MTA3: variants seen among roughly 807,000 people sequenced by gnomAD.
MTA3 encodes metastasis-associated protein MTA3.
A neutral mutation model predicts 83.5 loss-of-function variants in MTA3; 34 were observed. That is an observed-to-expected ratio of 0.41 (90% confidence interval 0.31 to 0.54). MTA3 has a LOEUF of 0.54. MTA3 is among the 20% of genes least tolerant of loss of function. MTA3 has a pLI of 0.33. For synonymous variants in MTA3, 303 were observed against 252.7 expected, an observed-to-expected ratio of 1.20 and a Z score of -1.89; for missense variants, 761 against 726.4, an observed-to-expected ratio of 1.05 and a Z score of -0.55.
At chr2:42,542,857 C>T (rs1000950310) in intron 2 of MTA3, among the ~76,000 whole-genome samples, 3 of 151,848 alleles carry the variant, frequency 2.0e-5, no homozygotes, top group African/African-American at 7.3e-5. Context: ...GCACCCAGCC[C>T]ATAATCTTCA....
intron 8 of MTA3, among the ~76,000 whole-genome samples, chr2:42,678,964 T>G (rs1190656738): frequency 6.6e-6 from 1 of 152,168 alleles, no homozygotes; most frequent in African/African-American, 2.4e-5. Flanking sequence ...ACATTCTCAT[T>G]TGACCCTCAC....
In MTA3 at chr2:42,755,430, C is replaced by G. The variant is rs934114791; in HGVS notation, c.*2031C>G. On this transcript the variant is annotated 3_prime_UTR_variant, in exon 17 of 17. Coordinates refer to ENST00000405094, the MANE Select transcript of MTA3 (RefSeq NM_001330442.2). Reference sequence around the variant, plus strand: ...GTCTGAAGCAGGAGAAGGGAGGCCCCTCCTATCTACCCAGTTGACATTTGG... The same window carrying G: ...GTCTGAAGCAGGAGAAGGGAGGCCCGTCCTATCTACCCAGTTGACATTTGG... 35 of 985,350 alleles carry G rather than the reference C, an allele frequency of 3.6e-5. No homozygotes were observed. Among genetic ancestry groups the G allele is most frequent in the Non-Finnish European group, 4.0e-5 (33 of 829,950 alleles). The allele number at this position is 985,350 out of a possible 1,614,324, so 61.0% of individuals were successfully genotyped here. A position where few individuals can be genotyped will look rare whatever the true frequency, so the allele number is the denominator to read the frequency against.
At chr2:42,579,039 G>C (rs1679336819) in intron 2 of MTA3, 68 bp from the exon 3 acceptor site, 1 of 1,061,554 alleles carries the variant, frequency 9.4e-7, no homozygotes, top group East Asian at 2.7e-5. Context: ...GCTGTATCTA[G>C]TTTCGTTGTA....
intron 3 of MTA3, among the ~76,000 whole-genome samples, chr2:42,594,972 C>G (rs1453300394): frequency 6.7e-6 from 1 of 148,442 alleles, no homozygotes; most frequent in Non-Finnish European, 1.5e-5. Flanking sequence ...CCAGGATGGT[C>G]TTGATCTCCT....
chr2:42,495,654 C>T (rs910282042), intron 2 of MTA3, among the ~76,000 whole-genome samples: 4 of 152,124 alleles, frequency 2.6e-5, no homozygotes, highest in African/African-American at 9.7e-5. Flanking sequence ...GTATAATGCA[C>T]TTGCCCACTG....
At chr2:42,574,832 T>A (rs1030728398) in intron 2 of MTA3, among the ~76,000 whole-genome samples, 1 of 152,216 alleles carries the variant, frequency 6.6e-6, no homozygotes, top group Non-Finnish European at 1.5e-5. Context: ...GCACTGGGAT[T>A]ACAGGCTGAC....
chr2:42,543,597 C>CA (rs1676620530), intron 2 of MTA3, among the ~76,000 whole-genome samples: 16 of 151,920 alleles, frequency 1.1e-4, no homozygotes, highest in Admixed American at 1.1e-3. Context: ...GCAATCCTCC[C>CA]ACCTCATCCT....
chr2:42,638,218 A>T (rs1002019322), intron 4 of MTA3, among the ~76,000 whole-genome samples: 1 of 152,164 alleles, frequency 6.6e-6, no homozygotes, highest in Non-Finnish European at 1.5e-5. Flanking sequence ...GAGGGGAAAA[A>T]GTAAGTGAAA....
intron 1 of MTA3, 56 bp from the exon 2 acceptor site, chr2:42,570,381 G>C: frequency 8.7e-7 from 1 of 1,145,490 alleles, no homozygotes; most frequent in Non-Finnish European, 1.2e-6. Flanking sequence ...GTCTTGGATT[G>C]ACAAATCTGA....
intron 8 of MTA3, among the ~76,000 whole-genome samples, chr2:42,675,645 A>C (rs1691277581): frequency 1.3e-5 from 2 of 152,128 alleles, no homozygotes; most frequent in South Asian, 2.1e-4. Context: ...TCTAACAATC[A>C]ATTAGTTGTT....
chr2:42,582,564 G>A (rs921987869), intron 3 of MTA3, among the ~76,000 whole-genome samples: 1 of 152,086 alleles, frequency 6.6e-6, no homozygotes. Context: ...AAGTTGGGAG[G>A]ATTGCTTGAG....
chr2:42,721,424 C>G (rs1667400991), intron 15 of MTA3, among the ~76,000 whole-genome samples: 1 of 151,472 alleles, frequency 6.6e-6, no homozygotes, highest in Non-Finnish European at 1.5e-5. Context: ...ACTTCCCAGG[C>G]TCAGGTGATC....
intron 14 of MTA3, 21 bp from the exon 15 acceptor site, chr2:42,718,967 C>T (rs1172063125): frequency 6.5e-7 from 1 of 1,528,352 alleles, no homozygotes; most frequent in East Asian, 2.5e-5. Context: ...TGGTTATCTC[C>T]ATGTTTCTTT....
intron 4 of MTA3, among the ~76,000 whole-genome samples, chr2:42,636,008 A>G (rs938535491): frequency 2.0e-5 from 3 of 152,058 alleles, no homozygotes; most frequent in Non-Finnish European, 4.4e-5. Flanking sequence ...AGCTCAGGCA[A>G]TCTGCCCGCC....
At chr2:42,745,153 A>G (rs1311559477) in intron 16 of MTA3, among the ~76,000 whole-genome samples, 1 of 152,270 alleles carries the variant, frequency 6.6e-6, no homozygotes, top group Non-Finnish European at 1.5e-5. Context: ...ATTTACATAT[A>G]AATGAACATG....
intron 2 of MTA3, among the ~76,000 whole-genome samples, chr2:42,575,865 C>T (rs1159487490): frequency 6.6e-6 from 1 of 152,164 alleles, no homozygotes; most frequent in East Asian, 1.9e-4. Context: ...CCCCCTCATC[C>T]ATCCTCACCT....
At chr2:42,732,398 C>G (rs1446400048) in intron 16 of MTA3, among the ~76,000 whole-genome samples, 1 of 152,200 alleles carries the variant, frequency 6.6e-6, no homozygotes, top group Non-Finnish European at 1.5e-5. Context: ...CTACATTTGC[C>G]CCTTTCAGCC....
At chr2:42,563,842 T>C (rs948490763), upstream of MTA3, among the ~76,000 whole-genome samples, 28 of 150,270 alleles carry the variant, frequency 1.9e-4, no homozygotes, top group African/African-American at 6.6e-4. Context: ...CTTTCTTTTT[T>C]GATGGAGTTT....
At chr2:42,727,412 C>T (rs1282329634) in intron 16 of MTA3, among the ~76,000 whole-genome samples, 1 of 152,234 alleles carries the variant, frequency 6.6e-6, no homozygotes, top group African/African-American at 2.4e-5. Flanking sequence ...ATCTCCTCCA[C>T]TGTGGACATT....
Sources: gnomAD v4.1 joint callset for allele counts (sites outside exome capture counted in the v4.1 genomes callset) on GRCh38, gnomAD v4.1.1 for gene constraint, MANE v1.5 for transcripts, NCBI Gene and HGNC (gene_info 2026-07-23, HGNC 2026-07-21) for gene names.